The following OR3A2 variants were observed in gnomAD, a reference collection of about 807,000 sequenced individuals.
OR3A2 encodes the protein olfactory receptor family 3 subfamily A member 2.
For synonymous variants in OR3A2, 126 were observed against 159.3 expected (o/e 0.79, Z 1.57); for missense variants, 318 against 392.8 (o/e 0.81, Z 1.61).
chr17:3,320,548 T>C (rs1444451430), intron 3 of OR3A2, among the ~76,000 whole-genome samples: 1 of 125,394 alleles, frequency 8.0e-6, no homozygotes, highest in Non-Finnish European at 1.7e-5. Context: ...CTTAAATTAA[T>C]TTTTGTATAA....
chr17:3,359,041 T>G (rs1311462287), intron 2 of OR3A2, among the ~76,000 whole-genome samples: 1 of 151,822 alleles, frequency 6.6e-6, no homozygotes, highest in African/African-American at 2.4e-5. Flanking sequence ...AGTGTCCTTC[T>G]TTGTCTTTTT....
intron 2 of OR3A2, among the ~76,000 whole-genome samples, chr17:3,338,937 T>C (rs1330917202): frequency 6.6e-6 from 1 of 152,206 alleles, no homozygotes; most frequent in Admixed American, 6.5e-5. Context: ...TCCTCTTTTA[T>C]TTTGTTGAGC....
intron 2 of OR3A2, among the ~76,000 whole-genome samples, chr17:3,369,905 G>A (rs1389731001): frequency 4.0e-5 from 6 of 150,926 alleles, no homozygotes; most frequent in Admixed American, 1.3e-4. Flanking sequence ...ACAGGTCCAA[G>A]CTATCCTCCC....
chr17:3,368,989 T>G (rs1277212219), intron 2 of OR3A2, among the ~76,000 whole-genome samples: 2 of 152,214 alleles, frequency 1.3e-5, no homozygotes, highest in Non-Finnish European at 2.9e-5. Flanking sequence ...ACATATATTT[T>G]TTGTAGCAGT....
intron 3 of OR3A2, among the ~76,000 whole-genome samples, chr17:3,326,080 G>C (rs9903214): frequency 0.014 from 2,097 of 152,138 alleles, 47 homozygotes; most frequent in African/African-American, 0.047. Context: ...TAAGGATAAT[G>C]GCTTCCAGCT....
At chr17:3,349,351 T>C (rs1338943296) in intron 2 of OR3A2, among the ~76,000 whole-genome samples, 1 of 151,350 alleles carries the variant, frequency 6.6e-6, no homozygotes, top group South Asian at 2.1e-4. Context: ...ACCAAGCAAA[T>C]GGAAAACAAA....
At chr17:3,384,317 A>G (rs1295645914) in intron 1 of OR3A2, among the ~76,000 whole-genome samples, 1 of 152,216 alleles carries the variant, frequency 6.6e-6, no homozygotes, top group Non-Finnish European at 1.5e-5. Flanking sequence ...GAGAAATTTA[A>G]AAGTGTTTTC....
intron 3 of OR3A2, among the ~76,000 whole-genome samples, chr17:3,326,277 A>C (rs1444799578): frequency 6.6e-6 from 1 of 152,100 alleles, no homozygotes; most frequent in African/African-American, 2.4e-5. Flanking sequence ...TTATAATAGA[A>C]TGATTTCTAT....
rs1164745123 is a variant in OR3A2, at chr17:3,336,016, A to T, written c.-85+17T>A. On this transcript the variant is annotated intron_variant, in intron 3 of 4. Coordinates refer to the OR3A2 transcript ENST00000573491. ...CACGCAACTCCTTTCATAACTGGCA[A>T]ATGCAAACTTACAAACCATTCCTGC... The T allele has an allele frequency of 6.6e-6, 1 of 152,340 alleles. No individual in the cohort carries two copies. The highest frequency in any genetic ancestry group is 1.5e-5 in the Non-Finnish European group (1 of 68,046). The allele number at this position is 152,340 out of a possible 1,614,324, so 9.4% of individuals were successfully genotyped here.
At chr17:3,362,558 G>C (rs1006898625) in intron 2 of OR3A2, among the ~76,000 whole-genome samples, 19 of 151,498 alleles carry the variant, frequency 1.3e-4, no homozygotes, top group Non-Finnish European at 2.1e-4. Flanking sequence ...GGCATTTAGT[G>C]CTATAAATTT....
At chr17:3,310,066 A>G (rs2049028673) in intron 3 of OR3A2, 1 of 249,804 alleles carries the variant, frequency 4.0e-6, no homozygotes, top group Middle Eastern at 1.5e-3. Context: ...CAATTCATGG[A>G]TCTCTGTTTG....
chr17:3,364,247 A>G (rs2049544019), intron 2 of OR3A2, among the ~76,000 whole-genome samples: 1 of 152,210 alleles, frequency 6.6e-6, no homozygotes, highest in South Asian at 2.1e-4. Flanking sequence ...TAATAATTCT[A>G]TTTATGGGGT....
intron 2 of OR3A2, among the ~76,000 whole-genome samples, chr17:3,342,056 C>A (rs150507238): frequency 6.6e-6 from 1 of 152,186 alleles, no homozygotes; most frequent in Non-Finnish European, 1.5e-5. Context: ...TTGATCAAAT[C>A]GGCTACTGAA....
At chr17:3,288,196 A>C (rs754627466), upstream of OR3A2, among the ~76,000 whole-genome samples, 39 of 151,154 alleles carry the variant, frequency 2.6e-4, no homozygotes, top group Non-Finnish European at 3.2e-4. Flanking sequence ...TTTAAAACAG[A>C]AAAGGTTTCT....
At chr17:3,312,846 A>T (rs2049055134) in intron 3 of OR3A2, among the ~76,000 whole-genome samples, 2 of 152,110 alleles carry the variant, frequency 1.3e-5, no homozygotes, top group South Asian at 4.1e-4. Context: ...CTGGTCTTGA[A>T]GTCCTGACCT....
chr17:3,281,067 G>C lies in OR3A2; in HGVS notation c.-6-2144C>G, dbSNP rs188015368. 2.9e-4 allele frequency among the ~76,000 whole-genome samples: 44 copies of C among 152,224 alleles called. No homozygotes were observed. The East Asian group carries it at 7.0e-3, about 24-fold the overall frequency. On this transcript the variant is annotated intron_variant, in intron 1 of 1. Coordinates refer to ENST00000642052, the Ensembl canonical transcript of OR3A2. Reference sequence around the variant, plus strand: ...CAGCCTCTGGTGAGCACTGACTAGGGAAGTCAAGGGAAAATGTACTCACAA... The same window carrying C: ...CAGCCTCTGGTGAGCACTGACTAGGCAAGTCAAGGGAAAATGTACTCACAA...
chr17:3,301,817 G>A (rs2048968227), intron 3 of OR3A2, among the ~76,000 whole-genome samples: 1 of 152,088 alleles, frequency 6.6e-6, no homozygotes, highest in Non-Finnish European at 1.5e-5. Flanking sequence ...GGTTTTTATG[G>A]TTTTAGGTCT....
chr17:3,326,501 T>C (rs1405941034), intron 3 of OR3A2, among the ~76,000 whole-genome samples: 1 of 151,982 alleles, frequency 6.6e-6, no homozygotes, highest in East Asian at 1.9e-4. Context: ...TGGACATTTA[T>C]CAGTTCCCGA....
At chr17:3,295,651 G>A (rs1369855871) in intron 3 of OR3A2, among the ~76,000 whole-genome samples, 1 of 152,010 alleles carries the variant, frequency 6.6e-6, no homozygotes, top group African/African-American at 2.4e-5. Context: ...AGAATTTCAG[G>A]TTGGATCTAA....
Sources: allele counts gnomAD v4.1 joint callset (sites outside exome capture counted in the v4.1 genomes callset), GRCh38; gene constraint gnomAD v4.1.1; transcripts MANE v1.5; gene names NCBI Gene and HGNC (gene_info 2026-07-23, HGNC 2026-07-21).